The following RAD51B variants were observed in gnomAD, a reference collection of about 807,000 sequenced individuals.
RAD51B encodes the protein RAD51 paralog B.
RAD51B carries 38 observed loss-of-function variants against 42.2 expected under a neutral mutation model. That is an observed-to-expected ratio of 0.90 (90% CI 0.70 to 1.18). The LOEUF (loss-of-function observed/expected upper bound fraction) is 1.18. Ranked by LOEUF, RAD51B falls within the 50% of genes most tolerant of loss-of-function variation. The pLI is 0.00. For synonymous variants in RAD51B, 154 were observed against 145.2 expected (o/e 1.06, Z -0.43); for missense variants, 373 against 400.7 (o/e 0.93, Z 0.59).
intron 7 of RAD51B, among the ~76,000 whole-genome samples, chr14:68,154,748 A>G (rs75232706): frequency 0.025 from 3,803 of 149,200 alleles, 125 homozygotes; most frequent in African/African-American, 0.075. Flanking sequence ...TTGAAAAGAC[A>G]TTGTTCTGTT....
At chr14:68,029,801 A>C (rs1485315887) in intron 7 of RAD51B, among the ~76,000 whole-genome samples, 1 of 152,220 alleles carries the variant, frequency 6.6e-6, no homozygotes, top group African/African-American at 2.4e-5. Context: ...ACGAATCCGT[A>C]TCTGTGGCAC....
At chr14:67,924,049 C>A (rs773470138) in intron 7 of RAD51B, among the ~76,000 whole-genome samples, 4 of 152,162 alleles carry the variant, frequency 2.6e-5, no homozygotes, top group Middle Eastern at 3.4e-3. Context: ...TTATTCATGT[C>A]TTTAGCCCAC....
intron 7 of RAD51B, among the ~76,000 whole-genome samples, chr14:68,261,508 A>G (rs986658169): frequency 1.3e-5 from 2 of 152,246 alleles, no homozygotes; most frequent in African/African-American, 2.4e-5. Flanking sequence ...TTTCTTGTAT[A>G]TAATTAAAAA....
At chr14:68,395,607 G>GT (rs1453637249) in intron 8 of RAD51B, among the ~76,000 whole-genome samples, 3 of 152,148 alleles carry the variant, frequency 2.0e-5, no homozygotes, top group African/African-American at 7.2e-5. Context: ...CTGCAATGTT[G>GT]TTGTTGTGCT....
At chr14:67,994,797 TAGAAG>T (rs1400221430) in intron 7 of RAD51B, among the ~76,000 whole-genome samples, 2 of 152,182 alleles carry the variant, frequency 1.3e-5, no homozygotes, top group African/African-American at 4.8e-5. Context: ...TGCAGAGAAA[TAGAAG>T]AGATATTTCT....
At chr14:67,835,047 G>C in intron 3 of RAD51B, 33 bp from the exon 4 acceptor site, 4 of 1,498,158 alleles carry the variant, frequency 2.7e-6, no homozygotes, top group Non-Finnish European at 2.8e-6. Context: ...ATATATAGAG[G>C]TTGAAAAAAA....
chr14:68,372,044 A>C (rs2083275793), intron 8 of RAD51B, among the ~76,000 whole-genome samples: 1 of 152,174 alleles, frequency 6.6e-6, no homozygotes, highest in African/African-American at 2.4e-5. Context: ...GGAGGAGAGG[A>C]TCAGGTGGGA....
intron 10 of RAD51B, among the ~76,000 whole-genome samples, chr14:68,554,176 G>C (rs1417719479): frequency 6.6e-6 from 1 of 152,174 alleles, no homozygotes; most frequent in Non-Finnish European, 1.5e-5. Flanking sequence ...CAGCTCCAAG[G>C]ACAGATTTGT....
At position 68,264,233 on chromosome 14, in the gene RAD51B, G is replaced by A. The variant is rs553990127; in HGVS notation, c.757-27651G>A. Among the ~76,000 whole-genome samples the A allele has an allele frequency of 5.8e-4, 89 of 152,340 alleles. 4 individuals carry two copies. The South Asian group carries it at 0.018, about 31-fold the overall frequency. On this transcript the variant is annotated intron_variant, in intron 7 of 10. Coordinates refer to ENST00000471583, the MANE Select transcript of RAD51B (RefSeq NM_133510.4). ...TGTTTTGACTAGCTGGTACTCAGGG[G>A]TAGGGTTGTCATGTTGGTCAACATG...
At chr14:67,921,910 C>T (rs937936181) in intron 7 of RAD51B, among the ~76,000 whole-genome samples, 1 of 152,080 alleles carries the variant, frequency 6.6e-6, no homozygotes, top group African/African-American at 2.4e-5. Context: ...TTAGTGTGCT[C>T]TGCGATGGGA....
intron 11 of RAD51B, among the ~76,000 whole-genome samples, chr14:68,668,937 C>G (rs967894949): frequency 6.6e-6 from 1 of 152,240 alleles, no homozygotes; most frequent in African/African-American, 2.4e-5. Context: ...CCTTTTACAG[C>G]TTTGAGCTCA....
chr14:68,313,031 A>G (rs565462862), intron 8 of RAD51B, among the ~76,000 whole-genome samples: 1 of 152,330 alleles, frequency 6.6e-6, no homozygotes, highest in South Asian at 2.1e-4. Flanking sequence ...TCAACCACCA[A>G]ATGATTTTAA....
intron 7 of RAD51B, among the ~76,000 whole-genome samples, chr14:68,205,392 G>A (rs919292644): frequency 2.0e-4 from 31 of 152,042 alleles, no homozygotes; most frequent in African/African-American, 7.5e-4. Flanking sequence ...GGAATTCAAA[G>A]GAAGGGATAG....
chr14:68,597,925 G>A (rs1375509679), downstream of RAD51B, among the ~76,000 whole-genome samples: 1 of 152,022 alleles, frequency 6.6e-6, no homozygotes, highest in Non-Finnish European at 1.5e-5. Flanking sequence ...GAAATGGAAA[G>A]GACTGTATCT....
At chr14:68,681,445 G>C (rs938306204) in intron 11 of RAD51B, among the ~76,000 whole-genome samples, 6 of 152,156 alleles carry the variant, frequency 3.9e-5, no homozygotes, top group Non-Finnish European at 8.8e-5. Flanking sequence ...TGAAAACATC[G>C]GGCAAGTGGC....
At chr14:68,086,077 T>C (rs1027516754) in intron 7 of RAD51B, among the ~76,000 whole-genome samples, 4 of 152,142 alleles carry the variant, frequency 2.6e-5, no homozygotes, top group Non-Finnish European at 5.9e-5. Context: ...CTTGCCTTGG[T>C]GTAATGGAAT....
At chr14:68,581,031 A>T (rs1890186175) in intron 10 of RAD51B, among the ~76,000 whole-genome samples, 1 of 152,140 alleles carries the variant, frequency 6.6e-6, no homozygotes, top group Admixed American at 6.5e-5. Context: ...AATATAGTAG[A>T]ATTGCAACTG....
rs527720023 is a variant in RAD51B at position 67,831,647 on chromosome 14, C to G, written c.199-3433C>G. On this transcript the variant is annotated intron_variant, in intron 3 of 10. Transcript: ENST00000471583. ...CGCCTCCCGGGTTCAAGTGATGATC[C>G]TGCCTCAGCCCCCTGAGTAGCTGGG... Among the ~76,000 whole-genome samples, 14 of 152,226 alleles carry G rather than the reference C, an allele frequency of 9.2e-5. No homozygotes were observed. The South Asian group carries it at 2.7e-3, about 29-fold the overall frequency.
At chr14:68,033,730 C>T (rs867909706) in intron 7 of RAD51B, among the ~76,000 whole-genome samples, 2 of 152,160 alleles carry the variant, frequency 1.3e-5, no homozygotes, top group African/African-American at 4.8e-5. Flanking sequence ...TTGGAGATGG[C>T]TCAAGTGGAA....
Sources: gnomAD v4.1 joint callset for allele counts (sites outside exome capture counted in the v4.1 genomes callset) on GRCh38, gnomAD v4.1.1 for gene constraint, MANE v1.5 for transcripts, NCBI Gene and HGNC (gene_info 2026-07-23, HGNC 2026-07-21) for gene names.